FGF10: variants seen among roughly 807,000 people sequenced by gnomAD.
The protein encoded by FGF10 is FGF-10.
A neutral mutation model predicts 19.8 loss-of-function variants in FGF10; 2 were observed. That is an observed-to-expected ratio of 0.10 (90% confidence interval 0.04 to 0.32). The LOEUF is 0.32. FGF10 is among the 10% of genes least tolerant of loss of function. The pLI is 1.00. For synonymous variants in FGF10, 112 were observed against 94.0 expected (o/e 1.19, Z -1.10); for missense variants, 191 against 246.3 (o/e 0.78, Z 1.50).
At chr5:44,368,591 C>T (rs1162492950) in intron 1 of FGF10, among the ~76,000 whole-genome samples, 1 of 152,006 alleles carries the variant, frequency 6.6e-6, no homozygotes, top group Non-Finnish European at 1.5e-5. Context: ...GACTTTGAAG[C>T]CTTTGATATG....
Position 44,388,912 on chromosome 5 carries a change from C to T in FGF10, c.-230G>A, listed in dbSNP as rs1742175660. 3.4e-6 allele frequency: 2 copies of T among 593,316 alleles called. No homozygotes were observed. Among genetic ancestry groups the T allele is most frequent in the Non-Finnish European group, 6.1e-6 (2 of 329,774 alleles). 36.8% of individuals were successfully genotyped at this position (593,316 alleles called of 1,614,324 possible). A position where few individuals can be genotyped will look rare whatever the true frequency, so the allele number is the denominator to read the frequency against. On this transcript the variant is annotated 5_prime_UTR_variant, in exon 1 of 3. Coordinates refer to ENST00000264664, the MANE Select transcript of FGF10 (RefSeq NM_004465.2). ...CGCTGCCTACGCCTCTGGAGCCTCC[C>T]GGTAAATGGTGGACGTGGGTGGCCG...
intron 2 of FGF10, among the ~76,000 whole-genome samples, chr5:44,307,742 A>G (rs532686074): frequency 1.3e-5 from 2 of 152,236 alleles, no homozygotes; most frequent in East Asian, 1.9e-4. Flanking sequence ...ATATGCACTT[A>G]TAAATTTTGA....
intron 1 of FGF10, among the ~76,000 whole-genome samples, chr5:44,315,729 C>T (rs1740330946): frequency 6.6e-6 from 1 of 152,000 alleles, no homozygotes; most frequent in African/African-American, 2.4e-5. Flanking sequence ...CCTCTCTCTC[C>T]CAAGAATTGT....
chr5:44,352,378 C>G (rs1741255259), intron 1 of FGF10, among the ~76,000 whole-genome samples: 1 of 151,690 alleles, frequency 6.6e-6, no homozygotes, highest in Admixed American at 6.6e-5. Flanking sequence ...ACAGAGGTAG[C>G]ATGACCCTTA....
At chr5:44,376,518 C>CAAA (rs1265124775) in intron 1 of FGF10, among the ~76,000 whole-genome samples, 7 of 72,746 alleles carry the variant, frequency 9.6e-5, no homozygotes, top group Middle Eastern at 8.1e-3. Flanking sequence ...AAAAAAAAAA[C>CAAA]AAAAAACCCA....
At chr5:44,352,540 A>T (rs977049443) in intron 1 of FGF10, among the ~76,000 whole-genome samples, 1 of 151,642 alleles carries the variant, frequency 6.6e-6, no homozygotes, top group Non-Finnish European at 1.5e-5. Flanking sequence ...GCTCAAAAAC[A>T]TCTATGAAAG....
At chr5:44,359,232 T>A (rs893366745) in intron 1 of FGF10, among the ~76,000 whole-genome samples, 30 of 151,564 alleles carry the variant, frequency 2.0e-4, no homozygotes, top group African/African-American at 7.3e-4. Flanking sequence ...GGTAATGCTA[T>A]TAACTTGCAT....
Position 44,388,455 on chromosome 5 carries a change from A to G in FGF10, c.228T>C (p.Asp76=). ...AAGAGAATAGCTTTCTCCAGCGGACATCTCCTTGAAGGTGATTGTAGCTCC... is the reference window on the plus strand; with the variant it reads ...AAGAGAATAGCTTTCTCCAGCGGACGTCTCCTTGAAGGTGATTGTAGCTCC... ...HVRSYNHLQG[D]VRWRKLFSFT... Residue 76 remains aspartate, a synonymous_variant, in exon 1 of 3, where the codon GAT becomes GAC. Coordinates refer to ENST00000264664, the MANE Select transcript of FGF10 (RefSeq NM_004465.2). The G allele has an allele frequency of 6.2e-7, 1 of 1,614,116 alleles. No individual in the cohort carries two copies. The highest frequency in any genetic ancestry group is 2.2e-5 in the East Asian group (1 of 44,856).
At chr5:44,344,248 A>G (rs905873551) in intron 1 of FGF10, among the ~76,000 whole-genome samples, 7 of 152,100 alleles carry the variant, frequency 4.6e-5, no homozygotes, top group African/African-American at 1.7e-4. Flanking sequence ...CAAGTACTTT[A>G]ATGCATCCCA....
At chr5:44,367,493 G>C (rs909848488) in intron 1 of FGF10, among the ~76,000 whole-genome samples, 1 of 152,000 alleles carries the variant, frequency 6.6e-6, no homozygotes, top group African/African-American at 2.4e-5. Context: ...CAATAGCTTA[G>C]TGATTAAGTG....
chr5:44,378,239 C>T (rs1413402380), intron 1 of FGF10, among the ~76,000 whole-genome samples: 1 of 152,090 alleles, frequency 6.6e-6, no homozygotes, highest in Admixed American at 6.6e-5. Flanking sequence ...TATATGAGGA[C>T]AGGTTTGGAA....
Position 44,388,934 on chromosome 5 carries a change from GC to G in FGF10, c.-253del. The G allele has an allele frequency of 1.7e-6, 1 of 577,772 alleles. No individual in the cohort carries two copies. The highest frequency in any genetic ancestry group is 3.1e-6 in the Non-Finnish European group (1 of 321,546). The allele number at this position is 577,772 out of a possible 1,614,324, so 35.8% of individuals were successfully genotyped here. On this transcript the variant is annotated 5_prime_UTR_variant, in exon 1 of 3. Transcript: ENST00000264664. ...TCCCGGTAAATGGTGGACGTGGGTGGCCGCAGCAGCAGGAGCTGGTGGTGGC... is the reference window on the plus strand; with the variant it reads ...TCCCGGTAAATGGTGGACGTGGGTGGCGCAGCAGCAGGAGCTGGTGGTGGC...
chr5:44,316,310 A>G (rs1740348630), intron 1 of FGF10, among the ~76,000 whole-genome samples: 1 of 152,180 alleles, frequency 6.6e-6, no homozygotes, highest in South Asian at 2.1e-4. Flanking sequence ...CCTATAGCTC[A>G]TAGGGTTGCA....
intron 1 of FGF10, among the ~76,000 whole-genome samples, chr5:44,344,215 T>C (rs866141328): frequency 6.6e-4 from 100 of 152,072 alleles, no homozygotes; most frequent in African/African-American, 2.3e-3. Context: ...GCTCCAAGTC[T>C]GAGGCAAGCT....
intron 1 of FGF10, among the ~76,000 whole-genome samples, chr5:44,349,445 T>TCAGA (rs1261313112): frequency 5.1e-4 from 7 of 13,842 alleles, no homozygotes; most frequent in African/African-American, 9.5e-4. Context: ...TATATATATA[T>TCAGA]ATATATATAT....
chr5:44,351,248 G>A (rs1741226442), intron 1 of FGF10, among the ~76,000 whole-genome samples: 1 of 151,490 alleles, frequency 6.6e-6, no homozygotes, highest in Non-Finnish European at 1.5e-5. Flanking sequence ...ATGACAGTAT[G>A]TGTCAATTTT....
At chr5:44,311,021 A>G (rs1740198585) in intron 1 of FGF10, among the ~76,000 whole-genome samples, 2 of 152,082 alleles carry the variant, frequency 1.3e-5, no homozygotes, top group African/African-American at 4.8e-5. Context: ...AGATAATCTA[A>G]ATCTCTTGGC....
intron 1 of FGF10, among the ~76,000 whole-genome samples, chr5:44,350,352 T>G (rs1226051077): frequency 6.6e-6 from 1 of 150,826 alleles, no homozygotes; most frequent in East Asian, 2.0e-4. Context: ...GTATGATGTC[T>G]CCTCAGATTA....
chr5:44,307,556 G>A (rs1740111930), intron 2 of FGF10, among the ~76,000 whole-genome samples: 1 of 152,084 alleles, frequency 6.6e-6, no homozygotes, highest in African/African-American at 2.4e-5. Flanking sequence ...TTTCCAAAAA[G>A]GAATAGAGGA....
Sources: gnomAD v4.1 joint callset for allele counts (sites outside exome capture counted in the v4.1 genomes callset) on GRCh38, gnomAD v4.1.1 for gene constraint, MANE v1.5 for transcripts, NCBI Gene and HGNC (gene_info 2026-07-23, HGNC 2026-07-21) for gene names.